SULF2: variants seen among roughly 807,000 people sequenced by gnomAD.
SULF2 encodes the protein extracellular sulfatase Sulf-2.
SULF2 carries 52 observed loss-of-function variants against 107.7 expected under a neutral mutation model. The observed-to-expected ratio is 0.48, with a 90% CI of 0.39 to 0.61. SULF2 has a LOEUF of 0.61. SULF2 is among the 20% of genes least tolerant of loss of function. SULF2 has a pLI of 0.00. For synonymous variants in SULF2, 460 were observed against 464.3 expected (o/e 0.99, Z 0.12); for missense variants, 993 against 1,177.3 (o/e 0.84, Z 2.29).
chr20:47,759,370 C>G (rs1459787801), intron 1 of SULF2, among the ~76,000 whole-genome samples: 3 of 152,188 alleles, frequency 2.0e-5, no homozygotes, highest in Non-Finnish European at 2.9e-5. Context: ...TCTCTTTGCC[C>G]CAGGGTCTTT....
At chr20:47,668,950 C>T (rs560401063) in intron 11 of SULF2, among the ~76,000 whole-genome samples, 56 of 152,222 alleles carry the variant, frequency 3.7e-4, no homozygotes, top group Non-Finnish European at 6.3e-4. Flanking sequence ...TGCTCTCTGG[C>T]TGGTCACAAG....
Position 47,666,493 on chromosome 20 carries a change from G to A in SULF2, c.1577-5C>T, listed in dbSNP as rs755471415. ...GGACATAGCTGGCCTTGTACTCTGT[G>A]GGCATTAGAGGAGTGGCAGAGTTAG... On this transcript the variant is annotated splice_polypyrimidine_tract_variant and splice_region_variant and intron_variant, in intron 11 of 20. Coordinates refer to ENST00000688720, the MANE Select transcript of SULF2 (RefSeq NM_001387048.1). The surrounding 1 kb of genome is among the most constrained non-coding windows in gnomAD (Gnocchi z 5.4). The A allele has an allele frequency of 1.2e-6, 2 of 1,607,382 alleles. No homozygotes were observed. The highest frequency in any genetic ancestry group is 3.3e-5 in the Admixed American group (2 of 59,932).
chr20:47,696,201 A>T (rs1610378), intron 4 of SULF2, among the ~76,000 whole-genome samples: 117,716 of 152,164 alleles, frequency 0.77, 45,688 homozygotes, highest in East Asian at 0.86. Context: ...TTGGGAATAG[A>T]CACAGTATAT....
chr20:47,709,557 A>G (rs1230804226), intron 3 of SULF2, among the ~76,000 whole-genome samples: 1 of 152,166 alleles, frequency 6.6e-6, no homozygotes, highest in Non-Finnish European at 1.5e-5. Context: ...TGAGGACCGC[A>G]TTCCCCTGGT....
In SULF2 at chr20:47,745,389, AAAAAAAAAAAAAAAAAAAAAAATAT is replaced by A. The variant is rs1400709635; in HGVS notation, c.176-8472_176-8448del. 2.6e-4 allele frequency among the ~76,000 whole-genome samples: 3 copies of A among 11,408 alleles called. No homozygotes were observed. In the African/African-American group the frequency reaches 3.7e-3, roughly 14 times the overall value. 7.5% of individuals were successfully genotyped at this position (11,408 alleles called of 152,430 possible). On this transcript the variant is annotated intron_variant, in intron 2 of 20. Coordinates refer to ENST00000688720, the MANE Select transcript of SULF2 (RefSeq NM_001387048.1). ...TTGTTCTGAGTTTTGAGGGAAAAAA[AAAAAAAAAAAAAAAAAAAAAAATAT>A]ATATATATATATATATATATATATA...
chr20:47,689,716 G>A (rs2088132661), intron 5 of SULF2: 1 of 157,888 alleles, frequency 6.3e-6, no homozygotes, highest in Admixed American at 6.5e-5. Context: ...ATAATGCCAA[G>A]GGCTTAGCAC....
At chr20:47,665,397 G>T in intron 13 of SULF2, 104 bp from the exon 14 acceptor site, 1 of 821,062 alleles carries the variant, frequency 1.2e-6, no homozygotes, top group South Asian at 1.4e-5. Context: ...CTCAGCAGCG[G>T]CAGCCTGCAC....
chr20:47,762,853 T>C (rs1013483475), intron 1 of SULF2, among the ~76,000 whole-genome samples: 4 of 152,224 alleles, frequency 2.6e-5, no homozygotes, highest in South Asian at 2.1e-4. Flanking sequence ...CTCCTCTGGA[T>C]GGAAGTCAAA....
intron 2 of SULF2, among the ~76,000 whole-genome samples, chr20:47,741,819 G>A (rs928651440): frequency 1.3e-5 from 2 of 152,212 alleles, no homozygotes; most frequent in Non-Finnish European, 2.9e-5. Flanking sequence ...GGAAGGGAAC[G>A]CAGGGCAGGC....
At chr20:47,681,387 C>T (rs950190511) in intron 7 of SULF2, among the ~76,000 whole-genome samples, 10 of 152,112 alleles carry the variant, frequency 6.6e-5, no homozygotes, top group Non-Finnish European at 1.5e-4. Flanking sequence ...TTTTTCTTGA[C>T]CATGTGGGAT....
Position 47,664,111 on chromosome 20 carries a change from G to C in SULF2, c.2057+19C>G. The C allele has an allele frequency of 6.2e-7, 1 of 1,612,996 alleles. No homozygotes were observed. The highest frequency in any genetic ancestry group is 1.1e-5 in the South Asian group (1 of 90,826). On this transcript the variant is annotated intron_variant, in intron 15 of 20. Transcript: ENST00000688720. ...GCAGGCCTCTGCATCTCTTCCCCAG[G>C]ACCTCAAGCTGCTCTTACCTGAAAG...
intron 2 of SULF2, 81 bp downstream of exon 2, chr20:47,757,108 G>T: frequency 1.5e-6 from 2 of 1,298,036 alleles, no homozygotes; most frequent in Non-Finnish European, 2.1e-6. Flanking sequence ...CAACACCACC[G>T]CCTTGCCTCA....
rs59966689 is a variant in SULF2 at position 47,700,637 on chromosome 20, C to CTTTTTTTTTTTTTTTTTTTTTTTT, written c.567+1881_567+1882insAAAAAAAAAAAAAAAAAAAAAAAA. Among the ~76,000 whole-genome samples the CTTTTTTTTTTTTTTTTTTTTTTTT allele has an allele frequency of 2.4e-5, 3 of 126,208 alleles. 1 individual carries two copies. 82.8% of individuals were successfully genotyped at this position (126,208 alleles called of 152,430 possible). On this transcript the variant is annotated intron_variant, in intron 4 of 20. Coordinates refer to ENST00000688720, the MANE Select transcript of SULF2 (RefSeq NM_001387048.1). ...GCTGGAGTGTAAACTGGTGCAACAT[C>CTTTTTTTTTTTTTTTTTTTTTTTT]TTTTTTTTTTTTTTTTTTTCTTTTT... is the stretch of plus-strand genomic sequence containing the variant.
chr20:47,711,938 A>G (rs2088944130), intron 3 of SULF2, among the ~76,000 whole-genome samples: 1 of 152,244 alleles, frequency 6.6e-6, no homozygotes, highest in Non-Finnish European at 1.5e-5. Context: ...ACGCACATGC[A>G]TAGATATACA....
intron 7 of SULF2, among the ~76,000 whole-genome samples, chr20:47,681,670 C>T (rs777456193): frequency 6.6e-6 from 1 of 152,164 alleles, no homozygotes. Context: ...CGTCACAGGG[C>T]AGTTGTGATG....
Position 47,727,647 on chromosome 20 carries a change from C to T in SULF2, c.415+9056G>A, listed in dbSNP as rs879424837. On this transcript the variant is annotated intron_variant, in intron 3 of 20. Transcript: ENST00000688720. ...CTTTCCCCGTGGCCACTTCCTCTTA[C>T]GGCGCAGGGAACCTCTCCTCCTGGG... Among the ~76,000 whole-genome samples the T allele has an allele frequency of 4.6e-5, 7 of 152,280 alleles. 1 individual carries two copies. The East Asian group carries it at 5.8e-4, about 13-fold the overall frequency.
chr20:47,729,140 G>A lies in SULF2; in HGVS notation c.415+7563C>T, dbSNP rs192429197. Among the ~76,000 whole-genome samples the A allele has an allele frequency of 2.2e-3, 342 of 152,194 alleles. 2 individuals carry two copies. The highest frequency in any genetic ancestry group is 1.3e-3 in the Non-Finnish European group (91 of 67,946). ...ACGAGGAAAGTGCAGACGTGTAGAAGTTTTGAGAAAAGGAAAGAAGTGCAA... is the reference window on the plus strand; with the variant it reads ...ACGAGGAAAGTGCAGACGTGTAGAAATTTTGAGAAAAGGAAAGAAGTGCAA... On this transcript the variant is annotated intron_variant, in intron 3 of 20. Transcript: ENST00000688720.
intron 1 of SULF2, among the ~76,000 whole-genome samples, chr20:47,761,837 C>T (rs1284183866): frequency 6.6e-6 from 1 of 152,240 alleles, no homozygotes; most frequent in Non-Finnish European, 1.5e-5. Context: ...CAAATCTCAT[C>T]TTGACTTGTA....
rs558505587 is a variant in SULF2, at chr20:47,757,180, G to A, written c.175+9C>T. The stretch of plus-strand genomic sequence containing the variant: ...GGCCGAGGTGCCACCCTGGGGCCCC[G>A]AGGCTTACCCAGCTCCACATCCTGG... On this transcript the variant is annotated intron_variant, in intron 2 of 20. Coordinates refer to ENST00000688720, the MANE Select transcript of SULF2 (RefSeq NM_001387048.1). 46 of 1,544,400 alleles carry A rather than the reference G, an allele frequency of 3.0e-5. No homozygotes were observed. Among genetic ancestry groups the A allele is most frequent in the East Asian group, 1.2e-4 (5 of 40,860 alleles).
Sources: allele counts gnomAD v4.1 joint callset (sites outside exome capture counted in the v4.1 genomes callset), GRCh38; gene constraint gnomAD v4.1.1; non-coding constraint Gnocchi (gnomAD v3.1); transcripts MANE v1.5; gene names NCBI Gene and HGNC (gene_info 2026-07-23, HGNC 2026-07-21).